The following CUX2 variants were observed in gnomAD, a reference collection of about 807,000 sequenced individuals.
The protein encoded by CUX2 is homeobox protein cut-like 2.
Under a neutral mutation model 144.8 loss-of-function variants are expected in CUX2, and 40 were observed. The observed-to-expected ratio is 0.28, with a 90% CI of 0.21 to 0.36. CUX2 has a LOEUF of 0.36. CUX2 is among the 10% of genes least tolerant of loss of function. CUX2 has a pLI of 1.00. For missense variants in CUX2, 1,615 were observed against 1,994.0 expected (o/e 0.81, Z 3.62); for synonymous variants, 827 against 875.6 (o/e 0.94, Z 0.98).
intron 2 of CUX2, among the ~76,000 whole-genome samples, chr12:111,215,411 A>G (rs1187800264): frequency 2.6e-5 from 4 of 152,196 alleles, no homozygotes; most frequent in African/African-American, 9.7e-5. Context: ...TCCATCTCAC[A>G]CAAGTCATAA....
At chr12:111,236,489 G>A (rs1247765484) in intron 3 of CUX2, among the ~76,000 whole-genome samples, 2 of 152,188 alleles carry the variant, frequency 1.3e-5, no homozygotes, top group East Asian at 1.9e-4. Flanking sequence ...CAGCGCAGGG[G>A]CCTCAGTTAC....
chr12:111,189,244 C>T (rs114878792), intron 1 of CUX2, among the ~76,000 whole-genome samples: 1,626 of 152,258 alleles, frequency 0.011, 40 homozygotes, highest in African/African-American at 0.038. Context: ...TATACTCCAG[C>T]CTGGGTGACA....
intron 19 of CUX2, among the ~76,000 whole-genome samples, chr12:111,337,182 A>G (rs1888388715): frequency 1.3e-5 from 2 of 151,886 alleles, no homozygotes; most frequent in Admixed American, 1.3e-4. Context: ...CCCCAAAAAA[A>G]TGAAAAATAA....
chr12:111,294,621 G>T lies in CUX2; in HGVS notation c.561-712G>T, dbSNP rs551992327. Among the ~76,000 whole-genome samples the T allele has an allele frequency of 5.3e-5, 8 of 151,746 alleles. No individual in the cohort carries two copies. In the South Asian group the frequency reaches 1.7e-3, roughly 32 times the overall value. ...AAAAAAAAGAAAGAAAACAGGCCGG[G>T]CGTGGTGGCTCATGCCTATAATCCC... On this transcript the variant is annotated intron_variant, in intron 6 of 21. Transcript: ENST00000261726.
chr12:111,047,874 G>A (rs1870075217), intron 1 of CUX2, among the ~76,000 whole-genome samples: 1 of 152,222 alleles, frequency 6.6e-6, no homozygotes, highest in South Asian at 2.1e-4. Flanking sequence ...GGGTGATGAT[G>A]GAGGCCCACA....
rs935949669 is a variant in CUX2, at chr12:111,342,963, A to G, written c.3659+910A>G. ...AACAGAGTGAGACTATCTCAAAAAA[A>G]AAAAAAAAAAAAAAAAATCCAGCAC... On this transcript the variant is annotated intron_variant, in intron 21 of 21. Coordinates refer to ENST00000261726, the MANE Select transcript of CUX2 (RefSeq NM_015267.4). Among the ~76,000 whole-genome samples, 238 of 151,544 alleles carry G rather than the reference A, an allele frequency of 1.6e-3. 1 individual carries two copies. In the East Asian group the frequency reaches 0.029, roughly 18 times the overall value.
chr12:111,336,736 C>T (rs1888371504), intron 19 of CUX2, among the ~76,000 whole-genome samples: 1 of 152,008 alleles, frequency 6.6e-6, no homozygotes, highest in African/African-American at 2.4e-5. Context: ...GTGTGAGCCA[C>T]CGTGCCCAGC....
At chr12:111,184,029 C>A (rs753326090) in intron 1 of CUX2, among the ~76,000 whole-genome samples, 1 of 152,164 alleles carries the variant, frequency 6.6e-6, no homozygotes, top group Non-Finnish European at 1.5e-5. Context: ...ACATCCTCGA[C>A]ATCCTGACCC....
At chr12:111,284,654 C>G (rs1295929034) in intron 4 of CUX2, among the ~76,000 whole-genome samples, 2 of 152,166 alleles carry the variant, frequency 1.3e-5, no homozygotes, top group African/African-American at 4.8e-5. Flanking sequence ...CTTAAGACCG[C>G]ACAATGAGTA....
chr12:111,277,521 C>T lies in CUX2; in HGVS notation c.301+13682C>T, dbSNP rs537407998. On this transcript the variant is annotated intron_variant, in intron 4 of 21. Coordinates refer to ENST00000261726, the MANE Select transcript of CUX2 (RefSeq NM_015267.4). The surrounding 1 kb of genome is among the most constrained non-coding windows in gnomAD (Gnocchi z 5.0). ...TCCCCTCACCAGGCTGCCCATTTAG[C>T]GCCACCCAGCCCACCCTCTCCCCCA... Among the ~76,000 whole-genome samples, 5 of 152,154 alleles carry T rather than the reference C, an allele frequency of 3.3e-5. No individual in the cohort carries two copies. The highest frequency in any genetic ancestry group is 1.9e-4 in the East Asian group (1 of 5,168).
intron 1 of CUX2, among the ~76,000 whole-genome samples, chr12:111,105,200 G>A (rs1388859872): frequency 6.6e-6 from 1 of 152,188 alleles, no homozygotes; most frequent in Non-Finnish European, 1.5e-5. Flanking sequence ...TAAGATGTAT[G>A]GCCTGCCTCT....
chr12:111,125,178 GA>G (rs1327143257), intron 1 of CUX2, among the ~76,000 whole-genome samples: 3 of 144,932 alleles, frequency 2.1e-5, no homozygotes, highest in African/African-American at 8.6e-5. Context: ...ACCTATTCTG[GA>G]ATTTTTTTTT....
chr12:111,340,374 T>C (rs7297186), intron 20 of CUX2, among the ~76,000 whole-genome samples: 66,181 of 151,936 alleles, frequency 0.44, 18,991 homozygotes, highest in East Asian at 0.94. Flanking sequence ...TATTGCCCAC[T>C]GAAGGCTGTT....
chr12:111,094,855 C>A (rs928682949), intron 1 of CUX2, among the ~76,000 whole-genome samples: 3 of 152,224 alleles, frequency 2.0e-5, no homozygotes, highest in Non-Finnish European at 4.4e-5. Context: ...GCATGTCTGT[C>A]TTGCTCATTG....
At position 111,057,864 on chromosome 12, in the gene CUX2, G is replaced by T. The variant is rs1255027802; in HGVS notation, c.63+23624G>T. On this transcript the variant is annotated intron_variant, in intron 1 of 21. Transcript: ENST00000261726. The surrounding 1 kb of genome is among the most constrained non-coding windows in gnomAD (Gnocchi z 5.1). The stretch of plus-strand genomic sequence containing the variant: ...TTTTGAAATGAATTTGATGTCATCT[G>T]CCCAGAGTCACTTAATGGGGACGCC... 6.6e-6 allele frequency among the ~76,000 whole-genome samples: 1 copy of T among 152,202 alleles called. No individual in the cohort carries two copies. The highest frequency in any genetic ancestry group is 2.4e-5 in the African/African-American group (1 of 41,458).
In CUX2 at chr12:111,198,685, A is replaced by G. The variant is rs529756961; in HGVS notation, c.64-15515A>G. Among the ~76,000 whole-genome samples the G allele has an allele frequency of 4.6e-5, 7 of 152,354 alleles. No individual in the cohort carries two copies. In the South Asian group the frequency reaches 8.3e-4, roughly 18 times the overall value. On this transcript the variant is annotated intron_variant, in intron 1 of 21. Coordinates refer to ENST00000261726, the MANE Select transcript of CUX2 (RefSeq NM_015267.4). ...AGGAAGGAGAAAGTGGATCTGCTTT[A>G]GAGGCAGGGGTGCCAGTGGGGCCAG... is the stretch of plus-strand genomic sequence containing the variant.
At chr12:111,204,426 A>C (rs750717371) in intron 1 of CUX2, among the ~76,000 whole-genome samples, 4 of 152,152 alleles carry the variant, frequency 2.6e-5, no homozygotes, top group Non-Finnish European at 4.4e-5. Flanking sequence ...AAAAGTAGTT[A>C]TTGAGTGGAT....
chr12:111,134,565 T>C (rs1192083362), intron 1 of CUX2, among the ~76,000 whole-genome samples: 8 of 151,960 alleles, frequency 5.3e-5, no homozygotes, highest in African/African-American at 1.9e-4. Context: ...ATTAGGGTTT[T>C]CCAGAGAAAC....
At chr12:111,110,746 C>T (rs187077029) in intron 1 of CUX2, among the ~76,000 whole-genome samples, 7 of 152,282 alleles carry the variant, frequency 4.6e-5, no homozygotes, top group Admixed American at 1.3e-4. Flanking sequence ...TAAAACAGTG[C>T]GAATCCTGAA....
Sources: gnomAD v4.1 joint callset for allele counts (sites outside exome capture counted in the v4.1 genomes callset) on GRCh38, gnomAD v4.1.1 for gene constraint, Gnocchi (gnomAD v3.1) non-coding constraint, MANE v1.5 for transcripts, NCBI Gene and HGNC (gene_info 2026-07-23, HGNC 2026-07-21) for gene names.